Variants in CUL5 observed in about 807,000 individuals in gnomAD.
The protein encoded by CUL5 is cullin 5.
In CUL5, 26 loss-of-function variants were observed where a neutral mutation model predicts 108.8. The ratio of observed to expected loss-of-function variants is 0.24; its 90% CI spans 0.18 to 0.33. The LOEUF is 0.33. Ranked by LOEUF, CUL5 falls within the 10% of genes least tolerant of loss-of-function variation. CUL5 has a pLI of 1.00. For missense variants in CUL5, 524 were observed against 909.2 expected (o/e 0.58, Z 5.45); for synonymous variants, 334 against 298.0 (o/e 1.12, Z -1.25).
At chr11:108,016,273 T>C (rs534833442) in intron 1 of CUL5, among the ~76,000 whole-genome samples, 4 of 151,476 alleles carry the variant, frequency 2.6e-5, no homozygotes, top group East Asian at 3.9e-4. Context: ...CTCTTCTCTT[T>C]TCTTTTCTGT....
chr11:108,028,613 C>T (rs1257742193), intron 1 of CUL5, among the ~76,000 whole-genome samples: 14 of 152,008 alleles, frequency 9.2e-5, no homozygotes, highest in Non-Finnish European at 1.3e-4. Flanking sequence ...CCGAAGCGGG[C>T]GGATCACAAG....
chr11:108,017,033 C>G (rs537672766), intron 1 of CUL5, among the ~76,000 whole-genome samples: 13 of 152,088 alleles, frequency 8.5e-5, no homozygotes, highest in African/African-American at 9.7e-5. Context: ...GGTAATTGAT[C>G]TGTGTAGCTG....
chr11:108,070,006 TGTTGAACAATATTG>T, intron 7 of CUL5, 76 bp from the exon 8 acceptor site: 1 of 767,550 alleles, frequency 1.3e-6, no homozygotes, highest in Non-Finnish European at 2.1e-6. Flanking sequence ...ATTTTTTTTT[TGTTGAACAATATTG>T]TTTTATTTTG....
At chr11:108,040,652 G>A (rs947618419) in intron 2 of CUL5, among the ~76,000 whole-genome samples, 22 of 151,642 alleles carry the variant, frequency 1.5e-4, no homozygotes, top group African/African-American at 5.3e-4. Context: ...AGTCGTGGTG[G>A]CACGTGCCTG....
At chr11:108,027,561 C>T (rs541383587) in intron 1 of CUL5, among the ~76,000 whole-genome samples, 3 of 152,036 alleles carry the variant, frequency 2.0e-5, no homozygotes, top group Non-Finnish European at 2.9e-5. Flanking sequence ...TGTGAGCCAC[C>T]GTGCCCAGCC....
intron 4 of CUL5, among the ~76,000 whole-genome samples, chr11:108,051,211 A>T (rs1225497488): frequency 1.3e-5 from 2 of 151,290 alleles, no homozygotes; most frequent in African/African-American, 4.9e-5. Context: ...TGCCAAGGGA[A>T]AAAAAAAAGT....
In CUL5 at chr11:108,054,882, C is replaced by T; in HGVS notation, c.707C>T (p.Ala236Val). 6.2e-7 allele frequency: 1 copy of T among 1,607,654 alleles called. No individual in the cohort carries two copies. The highest frequency in any genetic ancestry group is 2.2e-5 in the East Asian group (1 of 44,626). The change falls in exon 7 of 19, where the codon GCT (alanine) becomes GTT (valine). Residue 236 changes from alanine (A) to valine (V), a missense_variant. This residue lies in a region of CUL5 where 170 missense variants were observed against 305.1 expected (regional missense o/e 0.56). Transcript: ENST00000393094. ...GVQNYMKYAD[A>V]KLKEEEKRAL... ...TATTTTGCTTCTGGACAGGCAGATG[C>T]TAAATTAAAAGAAGAAGAAAAACGA... is the stretch of plus-strand genomic sequence containing the variant.
chr11:108,069,476 C>T (rs546277473), intron 7 of CUL5, among the ~76,000 whole-genome samples: 40 of 152,228 alleles, frequency 2.6e-4, no homozygotes, highest in Admixed American at 9.2e-4. Flanking sequence ...TTTACAGGAT[C>T]CCATTTAGAT....
At chr11:108,057,316 C>T (rs781092696) in intron 7 of CUL5, among the ~76,000 whole-genome samples, 4 of 152,174 alleles carry the variant, frequency 2.6e-5, no homozygotes, top group Middle Eastern at 3.4e-3. Context: ...GCACGAGCCA[C>T]GGCACTTGGC....
chr11:108,016,268 C>G (rs931694555), intron 1 of CUL5, among the ~76,000 whole-genome samples: 2 of 151,660 alleles, frequency 1.3e-5, no homozygotes, highest in African/African-American at 4.9e-5. Flanking sequence ...CTCTTCTCTT[C>G]TCTTTTCTTT....
At chr11:108,040,306 C>G (rs571725743) in intron 2 of CUL5, among the ~76,000 whole-genome samples, 3 of 152,042 alleles carry the variant, frequency 2.0e-5, no homozygotes, top group Admixed American at 2.0e-4. Context: ...CAGTGAGATT[C>G]CATTTCTACA....
intron 2 of CUL5, among the ~76,000 whole-genome samples, chr11:108,039,974 A>T (rs1862852309): frequency 6.6e-6 from 1 of 152,190 alleles, no homozygotes; most frequent in African/African-American, 2.4e-5. Context: ...TCATTTTATC[A>T]CACCAGGGTC....
chr11:108,027,355 T>G (rs1417688950), intron 1 of CUL5, among the ~76,000 whole-genome samples: 3 of 151,730 alleles, frequency 2.0e-5, no homozygotes, highest in Non-Finnish European at 4.4e-5. Flanking sequence ...CACTGCAAAC[T>G]CCGCCTCCCA....
At chr11:108,017,389 CAAAAA>C (rs71840119) in intron 1 of CUL5, among the ~76,000 whole-genome samples, 36 of 102,916 alleles carry the variant, frequency 3.5e-4, no homozygotes, top group African/African-American at 1.3e-3. Context: ...GACCCTGTCT[CAAAAA>C]AAAAAAAAAA....
At chr11:108,040,002 C>T (rs1862853974) in intron 2 of CUL5, among the ~76,000 whole-genome samples, 1 of 152,218 alleles carries the variant, frequency 6.6e-6, no homozygotes, top group East Asian at 1.9e-4. Context: ...TTCTTGTTCT[C>T]TTCTACACAA....
intron 1 of CUL5, among the ~76,000 whole-genome samples, chr11:108,026,163 T>C (rs1415765894): frequency 6.6e-6 from 1 of 152,140 alleles, no homozygotes. Context: ...TCCTTGCCCC[T>C]GTCTTGTTCT....
chr11:108,016,797 CAAAA>C (rs59142867), intron 1 of CUL5, among the ~76,000 whole-genome samples: 12 of 149,574 alleles, frequency 8.0e-5, no homozygotes, highest in Non-Finnish European at 1.6e-4. Flanking sequence ...CAAAAACAAA[CAAAA>C]AAAAACAAAC....
chr11:108,034,680 A>G (rs1862684878), intron 2 of CUL5, among the ~76,000 whole-genome samples: 1 of 152,154 alleles, frequency 6.6e-6, no homozygotes, highest in Admixed American at 6.5e-5. Flanking sequence ...AAAAGCAAAA[A>G]TCATTAATGT....
chr11:108,072,577 G>A, intron 9 of CUL5, 115 bp downstream of exon 9: 1 of 793,320 alleles, frequency 1.3e-6, no homozygotes, highest in Non-Finnish European at 1.9e-6. Context: ...AGCAGAAGAG[G>A]TTGGTTAGTG....
Sources: allele counts gnomAD v4.1 joint callset (sites outside exome capture counted in the v4.1 genomes callset), GRCh38; gene constraint gnomAD v4.1.1; regional missense constraint gnomAD v4.1.1; transcripts MANE v1.5; gene names NCBI Gene and HGNC (gene_info 2026-07-23, HGNC 2026-07-21).